The following FRMPD2 variants were observed in gnomAD, a reference collection of about 807,000 sequenced individuals.
FRMPD2 encodes FERM and PDZ domain-containing protein 2.
FRMPD2 carries 96 observed loss-of-function variants against 140.1 expected under a neutral mutation model. The ratio of observed to expected loss-of-function variants is 0.69; its 90% CI spans 0.58 to 0.81. The LOEUF (loss-of-function observed/expected upper bound fraction) is 0.81, where lower values mean the gene tolerates loss of function less well. Ranked by LOEUF, FRMPD2 falls within the 40% of genes least tolerant of loss-of-function variation. The pLI is 0.00. For synonymous variants in FRMPD2, 449 were observed against 547.6 expected (o/e 0.82, Z 2.52); for missense variants, 1,240 against 1,447.4 (o/e 0.86, Z 2.32).
intron 12 of FRMPD2, among the ~76,000 whole-genome samples, chr10:48,215,942 C>T (rs898653211): frequency 9.2e-5 from 14 of 152,204 alleles, no homozygotes; most frequent in African/African-American, 3.4e-4. Flanking sequence ...AATCCATAGA[C>T]TGAGTAAAGC....
intron 1 of FRMPD2, among the ~76,000 whole-genome samples, chr10:48,262,759 T>G (rs1840615602): frequency 6.6e-6 from 1 of 152,156 alleles, no homozygotes; most frequent in Admixed American, 6.6e-5. Context: ...TTTATTGATT[T>G]ATTTATTTAT....
chr10:48,210,298 T>C, intron 13 of FRMPD2, among the ~76,000 whole-genome samples: 1 of 152,226 alleles, frequency 6.6e-6, no homozygotes, highest in East Asian at 1.9e-4. Flanking sequence ...AGAGTGCTCC[T>C]TGAAACCGAT....
intron 13 of FRMPD2, among the ~76,000 whole-genome samples, chr10:48,211,722 C>G (rs1839327153): frequency 6.6e-6 from 1 of 152,028 alleles, no homozygotes; most frequent in Non-Finnish European, 1.5e-5. Context: ...TAAGGAAAAG[C>G]CCTACCACAC....
chr10:48,231,096 C>G (rs1480490786), intron 10 of FRMPD2, among the ~76,000 whole-genome samples: 1 of 152,178 alleles, frequency 6.6e-6, no homozygotes, highest in Non-Finnish European at 1.5e-5. Context: ...GTAGAACAAC[C>G]AGGAAAGGTC....
chr10:48,219,234 C>CTTTCT (rs112874040), intron 12 of FRMPD2, among the ~76,000 whole-genome samples: 4 of 144,150 alleles, frequency 2.8e-5, no homozygotes, highest in Admixed American at 6.9e-5. Flanking sequence ...TTCTTTCTTT[C>CTTTCT]TTTTTTTTTT....
chr10:48,260,475 T>C (rs1840567404), intron 1 of FRMPD2, among the ~76,000 whole-genome samples: 1 of 152,200 alleles, frequency 6.6e-6, no homozygotes, highest in African/African-American at 2.4e-5. Context: ...CAGCCCTGAA[T>C]AGATTATATG....
At position 48,192,800 on chromosome 10, in the gene FRMPD2, T is replaced by C; in HGVS notation, c.2049A>G (p.Glu683=). The C allele has an allele frequency of 6.2e-7, 1 of 1,614,166 alleles. No individual in the cohort carries two copies. Among genetic ancestry groups the C allele is most frequent in the Non-Finnish European group, 8.5e-7 (1 of 1,180,008 alleles). The change falls in exon 16 of 29, where the codon GAA becomes GAG. Residue 683 remains glutamate (E), a synonymous_variant. Transcript: ENST00000374201. ...LIWIQRLSCS[E]NELFVSRLQG... ...GAAGCCTGGATACAAACAACTCGTT[T>C]TCTGAGCATGACAATCTCTGAATCC...
At chr10:48,254,025 G>A (rs576071696) in intron 1 of FRMPD2, among the ~76,000 whole-genome samples, 15 of 151,774 alleles carry the variant, frequency 9.9e-5, no homozygotes, top group Admixed American at 7.9e-4. Flanking sequence ...CATGATCCAG[G>A]AGTCAGTGAC....
chr10:48,191,495 C>T (rs1416986600), intron 16 of FRMPD2, among the ~76,000 whole-genome samples: 3 of 152,162 alleles, frequency 2.0e-5, no homozygotes, highest in East Asian at 1.9e-4. Context: ...AATAGATGCT[C>T]GAAACCGTTT....
At chr10:48,194,615 A>G (rs1005098763) in intron 15 of FRMPD2, among the ~76,000 whole-genome samples, 1 of 152,198 alleles carries the variant, frequency 6.6e-6, no homozygotes, top group Non-Finnish European at 1.5e-5. Context: ...GACTCACAAA[A>G]GTTAGCAGAG....
intron 10 of FRMPD2, among the ~76,000 whole-genome samples, chr10:48,231,478 C>G (rs1333390117): frequency 6.6e-6 from 1 of 152,194 alleles, no homozygotes; most frequent in East Asian, 1.9e-4. Context: ...GCCCTTGGAA[C>G]CAATCACCTT....
intron 14 of FRMPD2, among the ~76,000 whole-genome samples, chr10:48,202,975 A>AT (rs1839123570): frequency 6.6e-6 from 1 of 151,832 alleles, no homozygotes; most frequent in Non-Finnish European, 1.5e-5. Flanking sequence ...TAATTTTTGT[A>AT]TTTTTTAGAG....
At chr10:48,213,462 C>A (rs1343738538) in intron 12 of FRMPD2, among the ~76,000 whole-genome samples, 1 of 152,292 alleles carries the variant, frequency 6.6e-6, no homozygotes, top group Non-Finnish European at 1.5e-5. Flanking sequence ...TATGATTGAG[C>A]AATTTGCTCC....
chr10:48,244,651 G>T, intron 4 of FRMPD2, 133 bp downstream of exon 4: 1 of 671,202 alleles, frequency 1.5e-6, no homozygotes, highest in Non-Finnish European at 2.7e-6. Context: ...AGTTCTCAAC[G>T]CCTGCCTAGG....
At chr10:48,237,819 GCCTATGC>G (rs957494501) in intron 8 of FRMPD2, among the ~76,000 whole-genome samples, 165 bp downstream of exon 8, 8 of 152,216 alleles carry the variant, frequency 5.3e-5, no homozygotes, top group Non-Finnish European at 7.4e-5. Context: ...CTCAGTGAAT[GCCTATGC>G]CCTAAGTTGC....
At chr10:48,240,212 C>G (rs1400307617) in intron 6 of FRMPD2, 148 bp downstream of exon 6, 1 of 814,202 alleles carries the variant, frequency 1.2e-6, no homozygotes, top group Non-Finnish European at 1.9e-6. Context: ...CTAAGCTCAG[C>G]CCCTTCTCTT....
intron 5 of FRMPD2, among the ~76,000 whole-genome samples, chr10:48,241,108 C>T (rs1840095425): frequency 1.3e-5 from 2 of 152,260 alleles, no homozygotes; most frequent in African/African-American, 4.8e-5. Flanking sequence ...TAGTCCATTT[C>T]CCCCACCAAA....
At chr10:48,228,723 G>A (rs1839781877) in intron 10 of FRMPD2, among the ~76,000 whole-genome samples, 1 of 151,976 alleles carries the variant, frequency 6.6e-6, no homozygotes, top group Non-Finnish European at 1.5e-5. Context: ...TACACAAAGT[G>A]TACAAAAATG....
chr10:48,165,339 G>C (rs1327188242), intron 27 of FRMPD2, among the ~76,000 whole-genome samples: 1 of 135,504 alleles, frequency 7.4e-6, no homozygotes, highest in East Asian at 2.0e-4. Context: ...CCACTGAGCA[G>C]CCTGTGCCCC....
Sources: gnomAD v4.1 joint callset for allele counts (sites outside exome capture counted in the v4.1 genomes callset) on GRCh38, gnomAD v4.1.1 for gene constraint, MANE v1.5 for transcripts, NCBI Gene and HGNC (gene_info 2026-07-23, HGNC 2026-07-21) for gene names.